The following MEIOB variants were observed in gnomAD, a reference collection of about 807,000 sequenced individuals.
MEIOB encodes the protein meiosis-specific with OB domain-containing protein.
In MEIOB, 50 loss-of-function variants were observed where a neutral mutation model predicts 53.1. The observed-to-expected ratio is 0.94, with a 90% CI of 0.75 to 1.19. The LOEUF (loss-of-function observed/expected upper bound fraction) is 1.19, where lower values mean the gene tolerates loss of function less well. Among genes scored for constraint, MEIOB ranks in the 50% most tolerant of loss-of-function variants. The pLI is 0.00. For missense variants in MEIOB, 551 were observed against 550.8 expected (o/e 1.00, Z 0.00); for synonymous variants, 192 against 182.5 (o/e 1.05, Z -0.42).
chr16:1,868,104 TA>T lies in MEIOB; in HGVS notation c.69+2del. On this transcript the variant is annotated splice_donor_variant, in intron 2 of 13. Coordinates refer to ENST00000325962, the MANE Select transcript of MEIOB (RefSeq NM_001163560.3). LOFTEE classifies it high-confidence loss of function. ...AGCAAATCACCACATTATTGAAACC[TA>T]CCAGATTAGCCATATTTGTCTGCAG... is the stretch of plus-strand genomic sequence containing the variant. The T allele has an allele frequency of 6.8e-7, 1 of 1,476,272 alleles. No homozygotes were observed. The highest frequency in any genetic ancestry group is 9.2e-7 in the Non-Finnish European group (1 of 1,082,492). The allele number at this position is 1,476,272 out of a possible 1,614,324, so 91.4% of individuals were successfully genotyped here.
At chr16:1,842,621 C>T (rs563394822) in intron 10 of MEIOB, among the ~76,000 whole-genome samples, 782 of 54,476 alleles carry the variant, frequency 0.014, 4 homozygotes, top group Non-Finnish European at 0.02. Flanking sequence ...AAAACTCCAT[C>T]TCAAAAAGAC....
intron 9 of MEIOB, among the ~76,000 whole-genome samples, chr16:1,851,010 T>C (rs1034838242): frequency 7.2e-5 from 11 of 152,224 alleles, no homozygotes; most frequent in Non-Finnish European, 1.5e-5. Context: ...AGTGTTGCAC[T>C]GTTGTCCTAA....
Position 1,853,058 on chromosome 16 carries a change from G to A in MEIOB, c.759C>T (p.Thr253=). 3.1e-6 allele frequency: 5 copies of A among 1,611,294 alleles called. No homozygotes were observed. The highest frequency in any genetic ancestry group is 4.2e-6 in the Non-Finnish European group (5 of 1,177,866). ...NCMTATVISK[T]IITTNPDIPE... ...TTTTACCTGGATTAGTTGTAATAAT[G>A]GTTTTTGAGATTACAGTTGCTGTCA... Residue 253 remains threonine (T), a synonymous_variant, in exon 9 of 14, where the codon ACC becomes ACT. Coordinates refer to ENST00000325962, the MANE Select transcript of MEIOB (RefSeq NM_001163560.3).
chr16:1,860,307 G>C (rs1899410356), intron 5 of MEIOB, 96 bp downstream of exon 5: 1 of 615,070 alleles, frequency 1.6e-6, no homozygotes, highest in African/African-American at 1.9e-5. Context: ...TATTGAAATA[G>C]AAACAGAACA....
chr16:1,862,838 A>G (rs1275685369), intron 3 of MEIOB, among the ~76,000 whole-genome samples: 1 of 152,018 alleles, frequency 6.6e-6, no homozygotes, highest in Non-Finnish European at 1.5e-5. Flanking sequence ...GAATCGCTTG[A>G]ACCCAGGAGG....
chr16:1,853,358 C>A (rs1596975597), intron 7 of MEIOB, 87 bp from the exon 8 acceptor site: 2 of 1,111,038 alleles, frequency 1.8e-6, no homozygotes, highest in East Asian at 5.1e-5. Flanking sequence ...TAAAAGAAAG[C>A]TTCAGTGGCT....
chr16:1,865,751 G>A, intron 3 of MEIOB, 27 bp downstream of exon 3: 1 of 1,520,298 alleles, frequency 6.6e-7, no homozygotes, highest in Non-Finnish European at 8.9e-7. Flanking sequence ...GATGAAAAAT[G>A]AAACCAAGAG....
rs145747323 is a variant in MEIOB, at chr16:1,854,314, C to T, written c.529-114G>A. 13 of 634,120 alleles carry T rather than the reference C, an allele frequency of 2.1e-5. No homozygotes were observed. In the East Asian group the frequency reaches 3.6e-4, roughly 18 times the overall value. The allele number at this position is 634,120 out of a possible 1,614,324, so 39.3% of individuals were successfully genotyped here. A position where few individuals can be genotyped will look rare whatever the true frequency, so the allele number is the denominator to read the frequency against. ...TAAACACCAAATTAGAAATATTAAACTAGCAAGAACCAGTAATATATAGTT... is the reference window on the plus strand; with the variant it reads ...TAAACACCAAATTAGAAATATTAAATTAGCAAGAACCAGTAATATATAGTT... On this transcript the variant is annotated intron_variant, in intron 6 of 13. Transcript: ENST00000325962.
intron 13 of MEIOB, among the ~76,000 whole-genome samples, chr16:1,836,647 A>T (rs1021603135): frequency 6.6e-6 from 1 of 151,884 alleles, no homozygotes; most frequent in African/African-American, 2.4e-5. Flanking sequence ...AACTATTCAG[A>T]TGTGTTGGTG....
intron 9 of MEIOB, among the ~76,000 whole-genome samples, chr16:1,846,000 A>C (rs933854424): frequency 6.6e-5 from 10 of 152,180 alleles, no homozygotes; most frequent in African/African-American, 1.9e-4. Context: ...TCTTTCTCAG[A>C]ACTAGGTTGT....
At chr16:1,853,411 A>C (rs1596975642) in intron 7 of MEIOB, 140 bp from the exon 8 acceptor site, 1 of 644,242 alleles carries the variant, frequency 1.6e-6, no homozygotes, top group Non-Finnish European at 2.7e-6. Context: ...TCCTAGTCTT[A>C]AGCATGCCAG....
intron 6 of MEIOB, among the ~76,000 whole-genome samples, chr16:1,855,340 G>C (rs887420403): frequency 2.6e-5 from 4 of 152,134 alleles, no homozygotes; most frequent in Non-Finnish European, 5.9e-5. Flanking sequence ...GCTGAGGCAG[G>C]AGAATTGCTT....
At chr16:1,845,381 G>A (rs972440151) in intron 9 of MEIOB, among the ~76,000 whole-genome samples, 11 of 152,248 alleles carry the variant, frequency 7.2e-5, no homozygotes, top group Non-Finnish European at 1.2e-4. Context: ...TTAACCAGGC[G>A]TGGTGGTGGG....
chr16:1,838,065 C>T (rs532086106), intron 12 of MEIOB, 195 bp from the exon 13 acceptor site: 2 of 1,012,788 alleles, frequency 2.0e-6, no homozygotes, highest in Admixed American at 5.3e-5. Flanking sequence ...AGTGCTATCA[C>T]AGCTCACTGC....
intron 2 of MEIOB, among the ~76,000 whole-genome samples, chr16:1,866,121 G>T (rs1365304233): frequency 6.6e-6 from 1 of 152,082 alleles, no homozygotes; most frequent in Non-Finnish European, 1.5e-5. Flanking sequence ...CATAATAACT[G>T]CCCTATGCTA....
chr16:1,843,279 C>T (rs1048347121), intron 10 of MEIOB, among the ~76,000 whole-genome samples: 26 of 150,022 alleles, frequency 1.7e-4, no homozygotes, highest in African/African-American at 6.4e-4. Flanking sequence ...GGCGACAGAG[C>T]GAGACTCCAT....
At chr16:1,856,431 T>C (rs1419331958) in intron 6 of MEIOB, among the ~76,000 whole-genome samples, 1 of 151,872 alleles carries the variant, frequency 6.6e-6, no homozygotes, top group African/African-American at 2.4e-5. Context: ...GCCATTCTCC[T>C]GCCTCAGCCT....
At position 1,865,855 on chromosome 16, in the gene MEIOB, C is replaced by G; in HGVS notation, c.70-20G>C. 1 of 1,518,454 alleles carries G rather than the reference C, an allele frequency of 6.6e-7. No homozygotes were observed. The highest frequency in any genetic ancestry group is 2.5e-5 in the East Asian group (1 of 40,440). The allele number at this position is 1,518,454 out of a possible 1,614,324, so 94.1% of individuals were successfully genotyped here. A position where few individuals can be genotyped will look rare whatever the true frequency, so the allele number is the denominator to read the frequency against. On this transcript the variant is annotated intron_variant, in intron 2 of 13. Transcript: ENST00000325962. ...AACTTTCTGAAAAACAAAAAGGTCA[C>G]AGAAGACCAATATTAAACACAGATG...
In MEIOB at chr16:1,834,093, G is replaced by T; in HGVS notation, c.*163C>A. The T allele has an allele frequency of 1.9e-6, 1 of 531,500 alleles. No homozygotes were observed. The highest frequency in any genetic ancestry group is 3.3e-6 in the Non-Finnish European group (1 of 300,794). The allele number at this position is 531,500 out of a possible 1,614,324, so 32.9% of individuals were successfully genotyped here. ...TAAGAAGGGAGGTCAGATGAGAGAG[G>T]CCTTCAGACTCACCCAGACCACCTC... is the stretch of plus-strand genomic sequence containing the variant. On this transcript the variant is annotated 3_prime_UTR_variant, in exon 14 of 14. Coordinates refer to ENST00000325962, the MANE Select transcript of MEIOB (RefSeq NM_001163560.3).
Sources: allele counts gnomAD v4.1 joint callset (sites outside exome capture counted in the v4.1 genomes callset), GRCh38; gene constraint gnomAD v4.1.1; transcripts MANE v1.5; gene names NCBI Gene and HGNC (gene_info 2026-07-23, HGNC 2026-07-21).